Variants in CTDSPL observed in about 807,000 individuals in gnomAD.
CTDSPL encodes the protein CTD small phosphatase like, also known as CTD small phosphatase-like protein.
In CTDSPL, 8 loss-of-function variants were observed where a neutral mutation model predicts 30.5. That is an observed-to-expected ratio of 0.26 (90% CI 0.15 to 0.47). The LOEUF (loss-of-function observed/expected upper bound fraction) is 0.47. CTDSPL is among the 20% of genes least tolerant of loss of function. The probability of loss-of-function intolerance (pLI) is 0.99; values close to 1 mark genes in which losing one functional copy is unlikely to be tolerated. For missense variants in CTDSPL, 248 were observed against 366.1 expected (o/e 0.68, Z 2.63); for synonymous variants, 110 against 137.9 (o/e 0.80, Z 1.42).
At chr3:37,886,723 T>C (rs566575945) in intron 1 of CTDSPL, among the ~76,000 whole-genome samples, 12 of 152,292 alleles carry the variant, frequency 7.9e-5, no homozygotes, top group Middle Eastern at 3.4e-3. Flanking sequence ...ATAATACATC[T>C]CTTCATAGAT....
intron 1 of CTDSPL, among the ~76,000 whole-genome samples, chr3:37,934,400 T>G (rs975571684): frequency 6.6e-6 from 1 of 152,126 alleles, no homozygotes; most frequent in African/African-American, 2.4e-5. Context: ...TGTTTACATT[T>G]TATTAAGTAG....
intron 6 of CTDSPL, 78 bp downstream of exon 6, chr3:37,971,577 A>G: frequency 7.4e-7 from 1 of 1,359,660 alleles, no homozygotes; most frequent in Middle Eastern, 1.8e-4. Flanking sequence ...TCTGTCAAGC[A>G]GCCCTTTGTT....
chr3:37,954,004 G>GA (rs1201633627), intron 2 of CTDSPL, among the ~76,000 whole-genome samples: 1 of 152,204 alleles, frequency 6.6e-6, no homozygotes, highest in Non-Finnish European at 1.5e-5. Flanking sequence ...ATGTTTATGA[G>GA]AAATGTGTGT....
intron 1 of CTDSPL, among the ~76,000 whole-genome samples, chr3:37,918,016 G>A (rs1322294750): frequency 1.3e-5 from 2 of 152,164 alleles, no homozygotes; most frequent in African/African-American, 4.8e-5. Context: ...GATAAAGGAA[G>A]ATCTGAGGGG....
intron 1 of CTDSPL, among the ~76,000 whole-genome samples, chr3:37,871,166 T>C (rs1307114942): frequency 2.0e-5 from 3 of 152,214 alleles, no homozygotes; most frequent in African/African-American, 7.2e-5. Context: ...ACTGTCACCA[T>C]AGATTTGCCT....
intron 7 of CTDSPL, among the ~76,000 whole-genome samples, chr3:37,980,136 C>A (rs540359522): frequency 1.3e-4 from 20 of 152,342 alleles, no homozygotes; most frequent in Middle Eastern, 3.4e-3. Context: ...GTACCCCTGG[C>A]TACCACCCCT....
At chr3:37,961,714 C>T (rs1699247118) in intron 3 of CTDSPL, among the ~76,000 whole-genome samples, 1 of 152,210 alleles carries the variant, frequency 6.6e-6, no homozygotes, top group Admixed American at 6.5e-5. Context: ...CTGCGTTAGG[C>T]CCTGACATCC....
At chr3:37,906,190 A>G (rs1276203007) in intron 1 of CTDSPL, among the ~76,000 whole-genome samples, 2 of 152,162 alleles carry the variant, frequency 1.3e-5, no homozygotes, top group Non-Finnish European at 2.9e-5. Flanking sequence ...TGCTTTGCCC[A>G]GTGGGGAGCA....
intron 5 of CTDSPL, among the ~76,000 whole-genome samples, chr3:37,971,076 C>T (rs545891573): frequency 6.6e-5 from 10 of 152,340 alleles, no homozygotes; most frequent in African/African-American, 1.9e-4. Flanking sequence ...AAGAAACACA[C>T]GTGAAATGAA....
At chr3:37,968,381 TGA>T in intron 5 of CTDSPL, 1 of 343,834 alleles carries the variant, frequency 2.9e-6, no homozygotes, top group Non-Finnish European at 5.9e-6. Flanking sequence ...GGGAAGGGTG[TGA>T]GTTTTCGGAT....
intron 1 of CTDSPL, among the ~76,000 whole-genome samples, chr3:37,932,891 G>A (rs113235553): frequency 0.067 from 10,238 of 152,242 alleles, 630 homozygotes; most frequent in African/African-American, 0.16. Context: ...AGTGGCTCAC[G>A]CCTGTAATCC....
At chr3:37,927,706 A>AT (rs61251867) in intron 1 of CTDSPL, among the ~76,000 whole-genome samples, 8,643 of 143,970 alleles carry the variant, frequency 0.06, 567 homozygotes, top group African/African-American at 0.14. Flanking sequence ...ATATATATAT[A>AT]AAAAATGAAA....
In CTDSPL at chr3:37,964,472, C is replaced by T. The variant is rs138952929; in HGVS notation, c.268-99C>T. The T allele has an allele frequency of 4.0e-4, 301 of 757,004 alleles. No individual in the cohort carries two copies. The East Asian group carries it at 6.5e-3, about 16-fold the overall frequency. The allele number at this position is 757,004 out of a possible 1,614,324, so 46.9% of individuals were successfully genotyped here. A position where few individuals can be genotyped will look rare whatever the true frequency, so the allele number is the denominator to read the frequency against. ...TTGTTCTTAATAAAAGCCCATTATA[C>T]GCTTGACCAGGCATTTAAATGTTTG... On this transcript the variant is annotated intron_variant, in intron 3 of 7. Coordinates refer to ENST00000273179, the MANE Select transcript of CTDSPL (RefSeq NM_001008392.2).
chr3:37,917,244 C>T (rs370539991), intron 1 of CTDSPL, among the ~76,000 whole-genome samples: 2 of 152,104 alleles, frequency 1.3e-5, no homozygotes, highest in African/African-American at 4.8e-5. Flanking sequence ...GGACTCAGTC[C>T]CCTCCCTCAG....
At chr3:37,929,978 C>T (rs958572415) in intron 1 of CTDSPL, among the ~76,000 whole-genome samples, 3 of 151,986 alleles carry the variant, frequency 2.0e-5, no homozygotes, top group South Asian at 2.1e-4. Context: ...CATGGTGGTG[C>T]GTCCTGTAAT....
intron 5 of CTDSPL, among the ~76,000 whole-genome samples, chr3:37,969,067 G>A (rs1422963230): frequency 6.6e-6 from 1 of 152,210 alleles, no homozygotes; most frequent in Non-Finnish European, 1.5e-5. Flanking sequence ...TTTAACATTT[G>A]CAAAAGCATC....
intron 1 of CTDSPL, among the ~76,000 whole-genome samples, chr3:37,924,438 C>A (rs1015026995): frequency 1.3e-5 from 2 of 152,138 alleles, no homozygotes; most frequent in Non-Finnish European, 2.9e-5. Flanking sequence ...TGGGAGACTT[C>A]CTTGTTTTAT....
intron 7 of CTDSPL, among the ~76,000 whole-genome samples, chr3:37,977,459 C>A (rs1699441642): frequency 6.6e-6 from 1 of 152,120 alleles, no homozygotes; most frequent in Non-Finnish European, 1.5e-5. Flanking sequence ...TTGTAGAAAT[C>A]TCCTACATTC....
rs1575301263 is a variant in CTDSPL at position 37,925,223 on chromosome 3, C to T, written c.80-21834C>T. 3.3e-5 allele frequency among the ~76,000 whole-genome samples: 5 copies of T among 152,292 alleles called. No homozygotes were observed. The East Asian group carries it at 9.6e-4, about 29-fold the overall frequency. The stretch of plus-strand genomic sequence containing the variant: ...TGACCCCTCTGAATATTTGCCTGCA[C>T]CATCCATCACTGTCTCTTTCCCTCA... On this transcript the variant is annotated intron_variant, in intron 1 of 7. Transcript: ENST00000273179.
Sources: gnomAD v4.1 joint callset for allele counts (sites outside exome capture counted in the v4.1 genomes callset) on GRCh38, gnomAD v4.1.1 for gene constraint, MANE v1.5 for transcripts, NCBI Gene and HGNC (gene_info 2026-07-23, HGNC 2026-07-21) for gene names.